Variants in OBI1 observed in about 807,000 individuals in gnomAD.
OBI1 encodes the protein ring finger protein 219.
A neutral mutation model predicts 62.4 loss-of-function variants in OBI1; 59 were observed. The observed-to-expected ratio is 0.95, with a 90% CI of 0.77 to 1.17. The LOEUF (loss-of-function observed/expected upper bound fraction) is 1.17. OBI1 is among the 50% of genes most tolerant of loss of function. The probability of loss-of-function intolerance (pLI) is 0.00; values close to 1 mark genes in which losing one functional copy is unlikely to be tolerated. For synonymous variants in OBI1, 302 were observed against 292.8 expected (o/e 1.03, Z -0.32); for missense variants, 875 against 830.9 (o/e 1.05, Z -0.65).
Position 78,638,882 on chromosome 13 carries a change from GT to G in OBI1, c.489del (p.Lys163AsnfsTer12), listed in dbSNP as rs1439888587. The G allele has an allele frequency of 6.2e-7, 1 of 1,613,630 alleles. No homozygotes were observed. The highest frequency in any genetic ancestry group is 8.5e-7 in the Non-Finnish European group (1 of 1,179,812). On this transcript the variant is annotated frameshift_variant, in exon 4 of 6. Coordinates refer to ENST00000282003, the MANE Select transcript of OBI1 (RefSeq NM_024546.4). LOFTEE classifies it high-confidence loss of function. ...NPETVAEWKK[K>X]LRTANEIYEK... is the part of the protein sequence containing the mutation. ...TCATAGATTTCATTAGCTGTTCTGA[GT>G]TTTTTCTTCCACTCTGCTACAGTTT... is the stretch of plus-strand genomic sequence containing the variant.
rs1876801682 is a variant in OBI1, at chr13:78,659,067, G to A, written c.54C>T (p.Cys18=). Residue 18 remains cysteine, a synonymous_variant, in exon 1 of 6, where the codon TGC becomes TGT. Transcript: ENST00000282003. ...VTLSLTLPIT[C]HICLGKVRQP... ...CCATTACCTTCCCCAAGCAAATGTGGCACGTGATGGGCAGAGTGAGCGACA... is the reference window on the plus strand; with the variant it reads ...CCATTACCTTCCCCAAGCAAATGTGACACGTGATGGGCAGAGTGAGCGACA... 5 of 1,612,902 alleles carry A rather than the reference G, an allele frequency of 3.1e-6. No homozygotes were observed. Among genetic ancestry groups the A allele is most frequent in the Non-Finnish European group, 4.2e-6 (5 of 1,179,732 alleles).
chr13:78,644,430 G>A (rs1876321992), intron 2 of OBI1, among the ~76,000 whole-genome samples: 1 of 152,018 alleles, frequency 6.6e-6, no homozygotes, highest in South Asian at 2.1e-4. Context: ...AAACTTTTTA[G>A]TTCATGCTAT....
intron 5 of OBI1, among the ~76,000 whole-genome samples, chr13:78,626,809 T>C (rs1875681305): frequency 6.6e-6 from 1 of 152,212 alleles, no homozygotes; most frequent in Non-Finnish European, 1.5e-5. Flanking sequence ...GGCTCACACC[T>C]GTAATCCCAG....
Position 78,620,853 on chromosome 13 carries a change from C to T in OBI1, c.639-3731G>A, listed in dbSNP as rs1424407019. ...ACAAATGTGGTAAAAGAATACCACA[C>T]CTGAGTACCAAAAAACTAATAAGCT... is the stretch of plus-strand genomic sequence containing the variant. On this transcript the variant is annotated intron_variant, in intron 5 of 5. Transcript: ENST00000282003. 5.9e-5 allele frequency among the ~76,000 whole-genome samples: 9 copies of T among 152,214 alleles called. No individual in the cohort carries two copies. In the East Asian group the frequency reaches 1.5e-3, roughly 26 times the overall value.
intron 1 of OBI1, among the ~76,000 whole-genome samples, chr13:78,646,500 T>G (rs1042013856): frequency 2.0e-5 from 3 of 152,154 alleles, no homozygotes; most frequent in African/African-American, 7.2e-5. Context: ...AATGTAGTCT[T>G]ATCACTTGAT....
chr13:78,645,028 G>C, intron 1 of OBI1, 31 bp from the exon 2 acceptor site: 1 of 1,579,676 alleles, frequency 6.3e-7, no homozygotes, highest in Non-Finnish European at 8.6e-7. Flanking sequence ...TTTAGTACAG[G>C]ACAACGGTCA....
intron 1 of OBI1, among the ~76,000 whole-genome samples, chr13:78,648,279 A>AACACAC (rs3064402): frequency 0.049 from 7,179 of 146,728 alleles, 522 homozygotes; most frequent in African/African-American, 0.16. Context: ...ACTTCCCCCA[A>AACACAC]ACACACACAC....
intron 3 of OBI1, among the ~76,000 whole-genome samples, chr13:78,639,638 T>TA (rs1414117248): frequency 6.8e-6 from 1 of 146,938 alleles, no homozygotes; most frequent in African/African-American, 2.6e-5. Context: ...GTGGCACATA[T>TA]ACACCATGGA....
chr13:78,653,986 A>T (rs1876621641), intron 1 of OBI1, among the ~76,000 whole-genome samples: 1 of 151,710 alleles, frequency 6.6e-6, no homozygotes, highest in African/African-American at 2.4e-5. Context: ...ATGTTTTAAG[A>T]AATCCCTGGT....
At chr13:78,651,485 A>G (rs1350612629) in intron 1 of OBI1, among the ~76,000 whole-genome samples, 2 of 152,148 alleles carry the variant, frequency 1.3e-5, no homozygotes, top group African/African-American at 4.8e-5. Flanking sequence ...TCAACCTCAC[A>G]GGTCTACTTA....
intron 5 of OBI1, among the ~76,000 whole-genome samples, chr13:78,630,380 CTTTGTATTATATCCTTTGCCTTT>C (rs1875808543): frequency 6.6e-6 from 1 of 151,932 alleles, no homozygotes; most frequent in Admixed American, 6.6e-5. Context: ...GTCTTATTTC[CTTTGTATTATATCCTTTGCCTTT>C]TGCCAAAGTA....
At chr13:78,649,318 G>A (rs1275004416) in intron 1 of OBI1, among the ~76,000 whole-genome samples, 2 of 152,176 alleles carry the variant, frequency 1.3e-5, no homozygotes, top group African/African-American at 4.8e-5. Context: ...CTGTGATGTA[G>A]GAAAGGAGAA....
chr13:78,641,986 C>T, intron 3 of OBI1, 136 bp downstream of exon 3: 1 of 425,352 alleles, frequency 2.4e-6, no homozygotes, highest in East Asian at 3.6e-5. Context: ...AAGAATTTAT[C>T]AAACAATTTC....
At position 78,615,529 on chromosome 13, in the gene OBI1, A is replaced by C; in HGVS notation, c.*51T>G. 3 of 1,372,336 alleles carry C rather than the reference A, an allele frequency of 2.2e-6. No homozygotes were observed. The highest frequency in any genetic ancestry group is 3.0e-6 in the Non-Finnish European group (3 of 1,003,120). The allele number at this position is 1,372,336 out of a possible 1,614,324, so 85.0% of individuals were successfully genotyped here. A position where few individuals can be genotyped will look rare whatever the true frequency, so the allele number is the denominator to read the frequency against. On this transcript the variant is annotated 3_prime_UTR_variant, in exon 6 of 6. Transcript: ENST00000282003. ...ATGAGGAAAAAAGGTAACTTTAACA[A>C]CTTTTCTATTTCTCTCAGGACAAAA...
chr13:78,644,714 T>G, intron 2 of OBI1, 148 bp downstream of exon 2: 1 of 842,434 alleles, frequency 1.2e-6, no homozygotes, highest in Non-Finnish European at 1.9e-6. Flanking sequence ...TTGCTCCACA[T>G]ATACATTACA....
chr13:78,635,005 T>C (rs1246189975), intron 5 of OBI1, 105 bp downstream of exon 5: 2 of 635,572 alleles, frequency 3.1e-6, no homozygotes, highest in Non-Finnish European at 2.7e-6. Context: ...TCTACCTAAA[T>C]CTACATGATT....
chr13:78,633,998 G>A (rs1464213258), intron 5 of OBI1, among the ~76,000 whole-genome samples: 72 of 151,468 alleles, frequency 4.8e-4, no homozygotes, highest in African/African-American at 1.7e-3. Context: ...ACCCCGGGGG[G>A]CGGAGCCTGC....
intron 4 of OBI1, among the ~76,000 whole-genome samples, chr13:78,637,707 C>T (rs1166948860): frequency 6.6e-6 from 1 of 152,170 alleles, no homozygotes; most frequent in Non-Finnish European, 1.5e-5. Flanking sequence ...CATCAATACC[C>T]AAAGAAACTA....
rs747144084 is a variant in OBI1, at chr13:78,615,772, A to C, written c.1989T>G (p.Phe663Leu). 3.1e-6 allele frequency: 5 copies of C among 1,613,922 alleles called. No homozygotes were observed. Among genetic ancestry groups the C allele is most frequent in the African/African-American group, 1.3e-5 (1 of 75,038 alleles). The part of the protein sequence containing the change: ...GILLSSSHRL[F>L]EDQRFGSSLF... ...AAGATGACCCAAATCTTTGATCTTC[A>C]AATAGTCGATGTGAACTGCTTAACA... The change falls in exon 6 of 6, where the codon TTT becomes TTG. Residue 663 changes from phenylalanine (F) to leucine (L), a missense_variant. Transcript: ENST00000282003.
Sources: gnomAD v4.1 joint callset for allele counts (sites outside exome capture counted in the v4.1 genomes callset) on GRCh38, gnomAD v4.1.1 for gene constraint, MANE v1.5 for transcripts, NCBI Gene and HGNC (gene_info 2026-07-23, HGNC 2026-07-21) for gene names.